The following CLASP1 variants were observed in gnomAD, a reference collection of about 807,000 sequenced individuals.
CLASP1 encodes CLIP-associating protein 1.
Under a neutral mutation model 192.3 loss-of-function variants are expected in CLASP1, and 38 were observed. That is an observed-to-expected ratio of 0.20 (90% CI 0.15 to 0.26). CLASP1 has a LOEUF of 0.26. Ranked by LOEUF, CLASP1 falls within the 10% of genes least tolerant of loss-of-function variation. The probability of loss-of-function intolerance (pLI) is 1.00; values close to 1 mark genes in which losing one functional copy is unlikely to be tolerated. For missense variants in CLASP1, 1,433 were observed against 1,932.5 expected (o/e 0.74, Z 4.85); for synonymous variants, 691 against 712.8 (o/e 0.97, Z 0.49).
intron 36 of CLASP1, chr2:121,364,692 G>A: frequency 4.7e-6 from 1 of 212,592 alleles, no homozygotes; most frequent in South Asian, 7.9e-5. Context: ...ATGGAATGTA[G>A]CATTTAATCA....
chr2:121,625,244 C>A lies in CLASP1; in HGVS notation c.-285-19064G>T, dbSNP rs114331554. 7.1e-3 allele frequency among the ~76,000 whole-genome samples: 1,080 copies of A among 152,178 alleles called. 13 individuals are homozygous for A. Among genetic ancestry groups the A allele is most frequent in the African/African-American group, 0.024 (991 of 41,506 alleles). Reference sequence around the variant, plus strand: ...TCAATTATTTCAATTTTAAAATATTCATTTTATGCCCCACTTTCTATACTA... The same window carrying A: ...TCAATTATTTCAATTTTAAAATATTAATTTTATGCCCCACTTTCTATACTA... On this transcript the variant is annotated intron_variant, in intron 1 of 39. Transcript: ENST00000263710.
chr2:121,468,291 A>C (rs1290933563), intron 9 of CLASP1, among the ~76,000 whole-genome samples: 1 of 152,124 alleles, frequency 6.6e-6, no homozygotes, highest in Non-Finnish European at 1.5e-5. Flanking sequence ...TTCTATATGG[A>C]TTTTAAGATA....
At chr2:121,401,897 G>A (rs1161852115) in intron 26 of CLASP1, 27 bp from the exon 28 acceptor site, 2 of 695,612 alleles carry the variant, frequency 2.9e-6, no homozygotes, top group South Asian at 2.8e-5. Flanking sequence ...CGCAAACGAG[G>A]CCATGCAACA....
chr2:121,547,136 C>T (rs925391482), intron 2 of CLASP1, among the ~76,000 whole-genome samples: 9 of 152,186 alleles, frequency 5.9e-5, no homozygotes, highest in African/African-American at 9.7e-5. Context: ...TGTGGGTACC[C>T]ATTCCCACAT....
chr2:121,565,785 T>C (rs1413093563), intron 2 of CLASP1, among the ~76,000 whole-genome samples: 1 of 152,258 alleles, frequency 6.6e-6, no homozygotes, highest in Admixed American at 6.5e-5. Context: ...GTCTAGATGC[T>C]GACAGCAATA....
intron 2 of CLASP1, chr2:121,530,711 GCGACCC>G (rs2094762356): frequency 7.9e-6 from 4 of 507,078 alleles, no homozygotes; most frequent in Non-Finnish European, 1.4e-5. Context: ...CGCCGCTTTT[GCGACCC>G]TTCGGGAGCC....
At chr2:121,616,977 A>T (rs1269380934) in intron 1 of CLASP1, among the ~76,000 whole-genome samples, 1 of 152,226 alleles carries the variant, frequency 6.6e-6, no homozygotes, top group Non-Finnish European at 1.5e-5. Flanking sequence ...TTAAACCAGA[A>T]GTTTGCAGAA....
At chr2:121,379,749 C>T (rs1300846532) in intron 33 of CLASP1, among the ~76,000 whole-genome samples, 3 of 152,114 alleles carry the variant, frequency 2.0e-5, no homozygotes, top group Admixed American at 6.6e-5. Flanking sequence ...TTCCATATGT[C>T]GCTTCAGATA....
At chr2:121,512,586 T>C (rs1300197388) in intron 7 of CLASP1, among the ~76,000 whole-genome samples, 1 of 152,206 alleles carries the variant, frequency 6.6e-6, no homozygotes, top group Non-Finnish European at 1.5e-5. Context: ...CTACCTCCAC[T>C]TTATTATCTG....
chr2:121,448,895 T>G (rs190287660), intron 17 of CLASP1, 58 bp downstream of exon 17: 10 of 1,550,946 alleles, frequency 6.4e-6, no homozygotes, highest in Non-Finnish European at 8.8e-6. Flanking sequence ...TGTTTTCATG[T>G]GACAAACTTT....
At chr2:121,397,925 GTTAATA>G (rs1404208403) in intron 29 of CLASP1, among the ~76,000 whole-genome samples, 1 of 152,132 alleles carries the variant, frequency 6.6e-6, no homozygotes, top group Non-Finnish European at 1.5e-5. Flanking sequence ...AGCTTAGAAT[GTTAATA>G]TTAAACATTC....
chr2:121,441,463 C>G (rs116176110), intron 19 of CLASP1, among the ~76,000 whole-genome samples: 3 of 152,198 alleles, frequency 2.0e-5, no homozygotes, highest in Non-Finnish European at 4.4e-5. Context: ...TGGTGGCTTA[C>G]GCCTGTAATC....
At chr2:121,518,203 C>A (rs1188945440) in intron 6 of CLASP1, among the ~76,000 whole-genome samples, 4 of 140,170 alleles carry the variant, frequency 2.9e-5, no homozygotes, top group African/African-American at 5.6e-5. Flanking sequence ...TGCATTCCAG[C>A]CTGGGTGACA....
intron 2 of CLASP1, among the ~76,000 whole-genome samples, chr2:121,555,399 T>TA (rs770898849): frequency 1.3e-5 from 2 of 152,216 alleles, no homozygotes; most frequent in Non-Finnish European, 2.9e-5. Flanking sequence ...CTCTGATTTT[T>TA]AAAAGCATCT....
intron 32 of CLASP1, among the ~76,000 whole-genome samples, chr2:121,383,746 C>T (rs2072350756): frequency 6.6e-6 from 1 of 151,530 alleles, no homozygotes; most frequent in Non-Finnish European, 1.5e-5. Context: ...CCCCTTGCAA[C>T]TCAGTTTTTC....
chr2:121,404,329 C>T (rs767559575), intron 26 of CLASP1, 42 bp downstream of exon 27: 1 of 1,601,974 alleles, frequency 6.2e-7, no homozygotes, highest in Admixed American at 1.7e-5. Flanking sequence ...AGCACACAGA[C>T]ATGCAGGGGT....
chr2:121,514,962 T>C (rs922723239), intron 7 of CLASP1, among the ~76,000 whole-genome samples: 1 of 152,222 alleles, frequency 6.6e-6, no homozygotes, highest in African/African-American at 2.4e-5. Flanking sequence ...TAAGCTGCCC[T>C]GTGAGTCCAC....
intron 6 of CLASP1, among the ~76,000 whole-genome samples, chr2:121,525,192 A>G (rs1183152089): frequency 1.3e-5 from 2 of 152,202 alleles, no homozygotes; most frequent in Non-Finnish European, 2.9e-5. Context: ...GTTGAGAAAT[A>G]GCATTGAACT....
At chr2:121,450,846 C>T (rs2085332272) in intron 16 of CLASP1, 67 bp downstream of exon 16, 5 of 1,142,518 alleles carry the variant, frequency 4.4e-6, no homozygotes, top group Non-Finnish European at 6.5e-6. Context: ...TTTAATAAGG[C>T]AATCCTATAA....
Sources: allele counts gnomAD v4.1 joint callset (sites outside exome capture counted in the v4.1 genomes callset), GRCh38; gene constraint gnomAD v4.1.1; transcripts MANE v1.5; gene names NCBI Gene and HGNC (gene_info 2026-07-23, HGNC 2026-07-21).